GRK3: variants seen among roughly 807,000 people sequenced by gnomAD.
GRK3 encodes G protein-coupled receptor kinase 3, also known as adrenergic, beta, receptor kinase 2.
Under a neutral mutation model 95.7 loss-of-function variants are expected in GRK3, and 54 were observed. The ratio of observed to expected loss-of-function variants is 0.56; its 90% CI spans 0.45 to 0.71. GRK3 has a LOEUF of 0.71. GRK3 is among the 30% of genes least tolerant of loss of function. GRK3 has a pLI of 0.00. For synonymous variants in GRK3, 281 were observed against 290.8 expected (o/e 0.97, Z 0.34); for missense variants, 649 against 851.2 (o/e 0.76, Z 2.96).
Position 25,564,897 on chromosome 22 carries a change from CGCGCGCGCGGGGCGGG to C in GRK3, c.-142_-127del, listed in dbSNP as rs1466708819. On this transcript the variant is annotated 5_prime_UTR_variant, in exon 1 of 21. Coordinates refer to ENST00000324198, the MANE Select transcript of GRK3 (RefSeq NM_005160.4). ...CGCAGAGCGCTAGTGGGGCGCGCGG[CGCGCGCGCGGGGCGGG>C]GGCGCGCGGAGGGGGGGGCTGCCCC... 7.4e-6 allele frequency: 1 copy of C among 136,036 alleles called. No homozygotes were observed. The highest frequency in any genetic ancestry group is 1.6e-5 in the Non-Finnish European group (1 of 62,932). 8.4% of individuals were successfully genotyped at this position (136,036 alleles called of 1,614,324 possible).
At chr22:25,715,754 G>A (rs1054819416) in intron 18 of GRK3, among the ~76,000 whole-genome samples, 3 of 152,164 alleles carry the variant, frequency 2.0e-5, no homozygotes, top group Non-Finnish European at 4.4e-5. Flanking sequence ...TTAACCTTAT[G>A]TAACAAGAAT....
chr22:25,599,092 C>T (rs966290380), intron 1 of GRK3, among the ~76,000 whole-genome samples: 1 of 152,150 alleles, frequency 6.6e-6, no homozygotes, highest in Non-Finnish European at 1.5e-5. Flanking sequence ...CATAAATCTG[C>T]ATTTGTGAGC....
chr22:25,688,693 G>A (rs1012885374), intron 11 of GRK3, among the ~76,000 whole-genome samples: 6 of 152,210 alleles, frequency 3.9e-5, no homozygotes, highest in Admixed American at 1.3e-4. Flanking sequence ...ATTCCAGAAC[G>A]CGGTGCTTGG....
intron 3 of GRK3, among the ~76,000 whole-genome samples, chr22:25,653,193 A>C (rs1005784101): frequency 6.6e-6 from 1 of 152,238 alleles, no homozygotes; most frequent in Admixed American, 6.5e-5. Flanking sequence ...AGTAGCTACA[A>C]ATCTATTTAA....
chr22:25,620,456 C>G (rs914035520), intron 2 of GRK3, among the ~76,000 whole-genome samples: 1 of 152,078 alleles, frequency 6.6e-6, no homozygotes, highest in Non-Finnish European at 1.5e-5. Context: ...TTCTAATTGC[C>G]TGCATTTGCA....
intron 1 of GRK3, among the ~76,000 whole-genome samples, chr22:25,574,357 G>A (rs540413554): frequency 4.6e-4 from 70 of 152,016 alleles, no homozygotes; most frequent in South Asian, 1.7e-3. Context: ...ATAGTGGTGC[G>A]CACCTATGGT....
chr22:25,638,670 C>T (rs1312489316), intron 2 of GRK3, among the ~76,000 whole-genome samples: 1 of 152,182 alleles, frequency 6.6e-6, no homozygotes, highest in Non-Finnish European at 1.5e-5. Flanking sequence ...TCCTGTATTC[C>T]AGACATGCTT....
chr22:25,582,182 C>T (rs1367544943), intron 1 of GRK3, among the ~76,000 whole-genome samples: 1 of 151,806 alleles, frequency 6.6e-6, no homozygotes, highest in East Asian at 1.9e-4. Flanking sequence ...GAGGCTGAGG[C>T]AGGAGAATCA....
Position 25,565,513 on chromosome 22 carries a change from C to A in GRK3, c.113+360C>A, listed in dbSNP as rs140577805. Among the ~76,000 whole-genome samples, 1,061 of 151,980 alleles carry A rather than the reference C, an allele frequency of 7.0e-3. 12 individuals carry two copies. Among genetic ancestry groups the A allele is most frequent in the African/African-American group, 0.024 (1,004 of 41,452 alleles). On this transcript the variant is annotated intron_variant, in intron 1 of 20. Coordinates refer to ENST00000324198, the MANE Select transcript of GRK3 (RefSeq NM_005160.4). ...CCCATCCCCGTGGTTCTTCCTGTTG[C>A]ATTGGTGTAGTCCCCGTTGGCTCCT...
intron 1 of GRK3, among the ~76,000 whole-genome samples, chr22:25,566,589 A>T (rs1931495436): frequency 6.6e-6 from 1 of 152,218 alleles, no homozygotes; most frequent in Admixed American, 6.5e-5. Flanking sequence ...ATGAGGGAAA[A>T]GTGCAAACCT....
At chr22:25,602,057 A>G (rs1346096085) in intron 1 of GRK3, among the ~76,000 whole-genome samples, 1 of 152,218 alleles carries the variant, frequency 6.6e-6, no homozygotes, top group Non-Finnish European at 1.5e-5. Context: ...ACTGGGAGAA[A>G]ATCTTAGCAT....
intron 10 of GRK3, among the ~76,000 whole-genome samples, chr22:25,686,276 G>A (rs924517026): frequency 6.6e-6 from 1 of 151,556 alleles, no homozygotes; most frequent in African/African-American, 2.4e-5. Flanking sequence ...ATTTCACAGC[G>A]TAATAATGAG....
intron 1 of GRK3, among the ~76,000 whole-genome samples, chr22:25,588,724 G>T (rs893989011): frequency 6.6e-5 from 10 of 151,934 alleles, no homozygotes; most frequent in Admixed American, 3.3e-4. Context: ...GTTTTCTTGA[G>T]GGTCAGTAAT....
intron 3 of GRK3, chr22:25,648,319 A>G (rs2084802033): frequency 1.7e-6 from 2 of 1,150,950 alleles, no homozygotes; most frequent in South Asian, 2.5e-5. Context: ...TTGGCAAAAC[A>G]CTACACAGAA....
intron 1 of GRK3, among the ~76,000 whole-genome samples, chr22:25,584,459 C>T (rs6004708): frequency 0.11 from 16,629 of 151,206 alleles, 404 homozygotes; most frequent in African/African-American, 0.22. Flanking sequence ...AATGATGGCC[C>T]CAAAGTGTGT....
Position 25,649,354 on chromosome 22 carries a change from G to A in GRK3, c.264+4689G>A, listed in dbSNP as rs571082594. The A allele has an allele frequency of 6.6e-6, 4 of 603,958 alleles. No individual in the cohort carries two copies. In the South Asian group the frequency reaches 8.8e-5, roughly 13 times the overall value. The allele number at this position is 603,958 out of a possible 1,614,324, so 37.4% of individuals were successfully genotyped here. A position where few individuals can be genotyped will look rare whatever the true frequency, so the allele number is the denominator to read the frequency against. ...CTCTGCACATTTTTAATGGTAAACT[G>A]GAGTCCCAGATATGGTTCCACAAAA... is the stretch of plus-strand genomic sequence containing the variant. On this transcript the variant is annotated intron_variant, in intron 3 of 20. Coordinates refer to ENST00000324198, the MANE Select transcript of GRK3 (RefSeq NM_005160.4).
chr22:25,637,833 A>G (rs1314790536), intron 2 of GRK3, among the ~76,000 whole-genome samples: 7 of 152,196 alleles, frequency 4.6e-5, no homozygotes, highest in Admixed American at 6.5e-5. Flanking sequence ...GTGAGCTGGC[A>G]GGCTCGAGAT....
Position 25,674,809 on chromosome 22 carries a change from C to T in GRK3, c.647+281C>T, listed in dbSNP as rs918081585. On this transcript the variant is annotated intron_variant, in intron 8 of 20. Transcript: ENST00000324198. Reference sequence around the variant, plus strand: ...CTAAAAATACAAAAAATTAGCCGGGCGCAGTGGCGGGCGCCTATAGTCCCA... The same window carrying T: ...CTAAAAATACAAAAAATTAGCCGGGTGCAGTGGCGGGCGCCTATAGTCCCA... Among the ~76,000 whole-genome samples the T allele has an allele frequency of 2.6e-5, 4 of 152,206 alleles. No homozygotes were observed. In the East Asian group the frequency reaches 5.8e-4, roughly 22 times the overall value.
In GRK3 at chr22:25,594,739, G is replaced by A. The variant is rs1355921264; in HGVS notation, c.114-9638G>A. The stretch of plus-strand genomic sequence containing the variant: ...TGAAAATACAAAAAATTAGCCGGGC[G>A]TGGCGGTGGGCACCTGTAGTCCCAG... On this transcript the variant is annotated intron_variant, in intron 1 of 20. Transcript: ENST00000324198. 3.9e-5 allele frequency among the ~76,000 whole-genome samples: 6 copies of A among 152,082 alleles called. No individual in the cohort carries two copies. The South Asian group carries it at 8.3e-4, about 21-fold the overall frequency.
Sources: gnomAD v4.1 joint callset for allele counts (sites outside exome capture counted in the v4.1 genomes callset) on GRCh38, gnomAD v4.1.1 for gene constraint, MANE v1.5 for transcripts, NCBI Gene and HGNC (gene_info 2026-07-23, HGNC 2026-07-21) for gene names.